Variants in GPC6 observed in about 807,000 individuals in gnomAD.
The protein encoded by GPC6 is glypican-6.
A neutral mutation model predicts 55.2 loss-of-function variants in GPC6; 14 were observed. That is an observed-to-expected ratio of 0.25 (90% CI 0.17 to 0.40). The LOEUF is 0.40. Ranked by LOEUF, GPC6 falls within the 10% of genes least tolerant of loss-of-function variation. The pLI, the probability that GPC6 is intolerant of heterozygous loss-of-function variation, is 1.00. For synonymous variants in GPC6, 278 were observed against 259.6 expected (o/e 1.07, Z -0.68); for missense variants, 641 against 708.5 (o/e 0.90, Z 1.08).
chr13:94,171,163 TG>T (rs1231591589), intron 4 of GPC6, among the ~76,000 whole-genome samples: 3 of 152,180 alleles, frequency 2.0e-5, no homozygotes, highest in African/African-American at 7.2e-5. Context: ...TCACCACCAT[TG>T]GGACCTAACA....
At chr13:94,154,106 CT>C (rs1236957091) in intron 4 of GPC6, 3 of 151,960 alleles carry the variant, frequency 2.0e-5, no homozygotes, top group Non-Finnish European at 4.4e-5. Flanking sequence ...TCAAACTAGA[CT>C]TAGTTCAGGT....
intron 4 of GPC6, among the ~76,000 whole-genome samples, chr13:94,107,058 G>T (rs931952671): frequency 1.3e-5 from 2 of 152,112 alleles, no homozygotes; most frequent in African/African-American, 4.8e-5. Flanking sequence ...CAGATCAAGG[G>T]CATGAAAGGA....
intron 3 of GPC6, among the ~76,000 whole-genome samples, chr13:93,837,239 G>A (rs1351452335): frequency 6.6e-6 from 1 of 152,078 alleles, no homozygotes; most frequent in Non-Finnish European, 1.5e-5. Flanking sequence ...ACTATGTATA[G>A]GAAGTCAGTT....
At chr13:93,666,986 T>C (rs1881163791) in intron 2 of GPC6, among the ~76,000 whole-genome samples, 1 of 152,152 alleles carries the variant, frequency 6.6e-6, no homozygotes, top group East Asian at 1.9e-4. Flanking sequence ...TGCTACAGTA[T>C]TCAAAATAAC....
At chr13:94,345,208 T>A (rs1328692008) in intron 6 of GPC6, among the ~76,000 whole-genome samples, 5 of 152,186 alleles carry the variant, frequency 3.3e-5, no homozygotes. Flanking sequence ...CAGACTATAA[T>A]GTCTCAGAAG....
In GPC6 at chr13:93,358,041, A is replaced by C. The variant is rs144465843; in HGVS notation, c.160+130425A>C. ...TTCTTAGAAAGGAATCCATGCTTGC[A>C]ATTTTTGTGATAATAGTTAACATTG... On this transcript the variant is annotated intron_variant, in intron 1 of 8. Transcript: ENST00000377047. Among the ~76,000 whole-genome samples, 510 of 151,894 alleles carry C rather than the reference A, an allele frequency of 3.4e-3. 5 individuals are homozygous for C. Among genetic ancestry groups the C allele is most frequent in the African/African-American group, 0.012 (494 of 41,456 alleles).
chr13:93,577,911 A>G (rs944301503), intron 2 of GPC6, among the ~76,000 whole-genome samples: 1 of 151,994 alleles, frequency 6.6e-6, no homozygotes, highest in Admixed American at 6.6e-5. Flanking sequence ...GCGGGTTTTT[A>G]TCACAAAGGC....
intron 1 of GPC6, among the ~76,000 whole-genome samples, chr13:93,528,431 G>T (rs1009108691): frequency 1.3e-5 from 2 of 152,156 alleles, no homozygotes; most frequent in Non-Finnish European, 2.9e-5. Context: ...ATGGAAATCA[G>T]CATCTCTGGT....
intron 1 of GPC6, among the ~76,000 whole-genome samples, chr13:93,410,686 T>C (rs1482404221): frequency 2.0e-5 from 3 of 152,200 alleles, no homozygotes; most frequent in Non-Finnish European, 2.9e-5. Context: ...ACTTTATTTT[T>C]CATGTGAAAG....
intron 8 of GPC6, 118 bp downstream of exon 8, chr13:94,398,759 G>T: frequency 1.2e-6 from 1 of 825,844 alleles, no homozygotes. Context: ...TTCTTCCTCA[G>T]GCTGTGATTC....
At chr13:93,321,565 A>G (rs1879435945) in intron 1 of GPC6, among the ~76,000 whole-genome samples, 1 of 152,200 alleles carries the variant, frequency 6.6e-6, no homozygotes, top group African/African-American at 2.4e-5. Context: ...TTTTCCAGCA[A>G]TAACAATAGA....
At chr13:93,387,221 A>C (rs1030811921) in intron 1 of GPC6, among the ~76,000 whole-genome samples, 1 of 150,920 alleles carries the variant, frequency 6.6e-6, no homozygotes, top group Admixed American at 6.6e-5. Context: ...GGTTTGTTAC[A>C]TAGGTATACA....
intron 4 of GPC6, among the ~76,000 whole-genome samples, chr13:94,031,972 T>C (rs1883158020): frequency 6.6e-6 from 1 of 152,218 alleles, no homozygotes. Flanking sequence ...TCTAAGATTT[T>C]ATAGACTATG....
chr13:93,876,289 T>C (rs545701261), intron 3 of GPC6, among the ~76,000 whole-genome samples: 1 of 152,130 alleles, frequency 6.6e-6, no homozygotes, highest in Non-Finnish European at 1.5e-5. Flanking sequence ...AAAAAATGAC[T>C]ATAAACTTGA....
rs1397237629 is a variant in GPC6, at chr13:93,880,046, G to A, written c.711+49501G>A. 7.1e-3 allele frequency among the ~76,000 whole-genome samples: 1,074 copies of A among 151,016 alleles called. 14 individuals are homozygous for A. The highest frequency in any genetic ancestry group is 0.024 in the African/African-American group (978 of 40,888). ...TCTCACAGCAGTTAGAATGGCAATCGTTAAAAAGTCAGGAAACAACAGGTG... is the reference window on the plus strand; with the variant it reads ...TCTCACAGCAGTTAGAATGGCAATCATTAAAAAGTCAGGAAACAACAGGTG... On this transcript the variant is annotated intron_variant, in intron 3 of 8. Coordinates refer to ENST00000377047, the MANE Select transcript of GPC6 (RefSeq NM_005708.5).
chr13:93,712,475 G>T (rs1248158644), intron 2 of GPC6, among the ~76,000 whole-genome samples: 1 of 151,542 alleles, frequency 6.6e-6, no homozygotes, highest in Admixed American at 6.6e-5. Flanking sequence ...TTGGCTTTGG[G>T]TACCTAGTTT....
chr13:93,793,634 T>A (rs1886114190), intron 2 of GPC6, among the ~76,000 whole-genome samples: 1 of 152,222 alleles, frequency 6.6e-6, no homozygotes, highest in Non-Finnish European at 1.5e-5. Flanking sequence ...ATAATAATTA[T>A]GAGCATAGAA....
At chr13:93,445,682 A>G (rs1011556570) in intron 1 of GPC6, among the ~76,000 whole-genome samples, 25 of 152,216 alleles carry the variant, frequency 1.6e-4, no homozygotes, top group African/African-American at 6.0e-4. Flanking sequence ...TCCATTCTGG[A>G]TGTGAACTTG....
At chr13:93,292,999 A>C (rs1878366936) in intron 1 of GPC6, among the ~76,000 whole-genome samples, 1 of 151,864 alleles carries the variant, frequency 6.6e-6, no homozygotes, top group South Asian at 2.1e-4. Context: ...TTTAATTTTT[A>C]TTTTTTGAGA....
Sources: gnomAD v4.1 joint callset for allele counts (sites outside exome capture counted in the v4.1 genomes callset) on GRCh38, gnomAD v4.1.1 for gene constraint, MANE v1.5 for transcripts, NCBI Gene and HGNC (gene_info 2026-07-23, HGNC 2026-07-21) for gene names.